PRTFDC1: variants seen among roughly 807,000 people sequenced by gnomAD.
PRTFDC1 encodes phosphoribosyltransferase domain-containing protein 1.
Under a neutral mutation model 34.6 loss-of-function variants are expected in PRTFDC1, and 38 were observed. The observed-to-expected ratio is 1.10, with a 90% confidence interval of 0.85 to 1.44. The LOEUF is 1.44. PRTFDC1 is among the 40% of genes most tolerant of loss of function. PRTFDC1 has a pLI of 0.00. For synonymous variants in PRTFDC1, 93 were observed against 98.1 expected (o/e 0.95, Z 0.31); for missense variants, 270 against 283.0 (o/e 0.95, Z 0.33).
rs1327519209 is a variant in PRTFDC1, at chr10:24,848,795, TC to T, written c.*1048del. 2 of 152,094 alleles carry T rather than the reference TC, an allele frequency of 1.3e-5. No individual in the cohort carries two copies. The highest frequency in any genetic ancestry group is 2.9e-5 in the Non-Finnish European group (2 of 68,024). 9.4% of individuals were successfully genotyped at this position (152,094 alleles called of 1,614,324 possible). On this transcript the variant is annotated 3_prime_UTR_variant, in exon 9 of 9. Coordinates refer to ENST00000320152, the MANE Select transcript of PRTFDC1 (RefSeq NM_020200.7). ...GACTCAAGTTTATTTTCAATTAAAATCCCCATAAATTAGGAAATGTCTTATA... is the reference window on the plus strand; with the variant it reads ...GACTCAAGTTTATTTTCAATTAAAATCCCATAAATTAGGAAATGTCTTATA...
chr10:24,888,384 T>C (rs1848205613), intron 3 of PRTFDC1, among the ~76,000 whole-genome samples: 1 of 152,120 alleles, frequency 6.6e-6, no homozygotes, highest in Non-Finnish European at 1.5e-5. Flanking sequence ...CCCGTTTGGG[T>C]TGTTGTGAGG....
At chr10:24,895,692 T>TATATAG (rs1275211122) in intron 3 of PRTFDC1, among the ~76,000 whole-genome samples, 1 of 107,668 alleles carries the variant, frequency 9.3e-6, no homozygotes, top group East Asian at 2.9e-4. Context: ...GGGGTGGATA[T>TATATAG]ATATATATAT....
chr10:24,928,403 T>C (rs1848913207), intron 3 of PRTFDC1, among the ~76,000 whole-genome samples: 2 of 152,122 alleles, frequency 1.3e-5, no homozygotes, highest in Admixed American at 1.3e-4. Context: ...GAGACTCTGC[T>C]AAACACAGAT....
intron 3 of PRTFDC1, among the ~76,000 whole-genome samples, chr10:24,928,972 G>A (rs1018202278): frequency 1.7e-4 from 26 of 149,530 alleles, no homozygotes; most frequent in Non-Finnish European, 2.8e-4. Context: ...CCCAGGAGGC[G>A]GAGCTTGCAG....
chr10:24,901,942 C>T (rs528368795), intron 3 of PRTFDC1, among the ~76,000 whole-genome samples: 4 of 152,280 alleles, frequency 2.6e-5, no homozygotes, highest in African/African-American at 9.6e-5. Flanking sequence ...AGGTATCCAC[C>T]CACAAGGGCC....
At chr10:24,882,326 T>C (rs1205280098) in intron 3 of PRTFDC1, among the ~76,000 whole-genome samples, 1 of 152,006 alleles carries the variant, frequency 6.6e-6, no homozygotes, top group African/African-American at 2.4e-5. Flanking sequence ...AGTATGCATA[T>C]CTGGATGTCA....
chr10:24,871,558 T>C (rs115140396), intron 4 of PRTFDC1, among the ~76,000 whole-genome samples: 1,588 of 151,822 alleles, frequency 0.01, 31 homozygotes, highest in African/African-American at 0.036. Flanking sequence ...CTCTTAAGAG[T>C]TCCTTTTCTC....
In PRTFDC1 at chr10:24,903,197, A is replaced by G. The variant is rs1848476011; in HGVS notation, c.340-31134T>C. On this transcript the variant is annotated intron_variant, in intron 3 of 8. Transcript: ENST00000320152. The stretch of plus-strand genomic sequence containing the variant: ...CTCCAGCCTGGGTGACAGGAGTGAA[A>G]CTGCATCTCAAGAAAAAAAGTAAGA... 2.0e-5 allele frequency among the ~76,000 whole-genome samples: 3 copies of G among 152,250 alleles called. No homozygotes were observed. In the South Asian group the frequency reaches 6.2e-4, roughly 32 times the overall value.
chr10:24,901,634 C>T (rs957915064), intron 3 of PRTFDC1, among the ~76,000 whole-genome samples: 2 of 152,140 alleles, frequency 1.3e-5, no homozygotes, highest in South Asian at 2.1e-4. Context: ...GAGGCTGAGG[C>T]GAAAGGATCG....
At chr10:24,906,231 CT>C (rs1848532794) in intron 3 of PRTFDC1, among the ~76,000 whole-genome samples, 1 of 152,186 alleles carries the variant, frequency 6.6e-6, no homozygotes, top group Non-Finnish European at 1.5e-5. Context: ...CCCATCTCCT[CT>C]TGGCTGTGTA....
chr10:24,933,584 G>C (rs1305639593), intron 3 of PRTFDC1, among the ~76,000 whole-genome samples: 1 of 151,710 alleles, frequency 6.6e-6, no homozygotes, highest in East Asian at 1.9e-4. Context: ...AAAAAAATAA[G>C]GAAAAACTGA....
At chr10:24,931,531 A>C (rs760245059) in intron 3 of PRTFDC1, among the ~76,000 whole-genome samples, 2 of 151,858 alleles carry the variant, frequency 1.3e-5, no homozygotes, top group Admixed American at 6.6e-5. Flanking sequence ...ATTTAATACT[A>C]TCAGGACTGA....
At chr10:24,930,968 C>A (rs1418991033) in intron 3 of PRTFDC1, among the ~76,000 whole-genome samples, 1 of 152,056 alleles carries the variant, frequency 6.6e-6, no homozygotes, top group Non-Finnish European at 1.5e-5. Flanking sequence ...ACATGGATTA[C>A]AATGGTGATA....
chr10:24,927,106 T>C (rs1359758561), intron 3 of PRTFDC1, among the ~76,000 whole-genome samples: 2 of 152,214 alleles, frequency 1.3e-5, no homozygotes, highest in East Asian at 1.9e-4. Context: ...CTTCATAGAA[T>C]TAACTATCTC....
At chr10:24,851,271 C>T (rs1026468567) in intron 8 of PRTFDC1, 117 bp downstream of exon 8, 33 of 1,416,108 alleles carry the variant, frequency 2.3e-5, no homozygotes, top group Non-Finnish European at 3.0e-5. Context: ...GCTCACCATA[C>T]TCCTGACATA....
rs1333471573 is a variant in PRTFDC1 at position 24,851,397 on chromosome 10, T to G, written c.621A>C (p.Arg207Ser). The G allele has an allele frequency of 6.2e-7, 1 of 1,610,348 alleles. No individual in the cohort carries two copies. Among genetic ancestry groups the G allele is most frequent in the Non-Finnish European group, 8.5e-7 (1 of 1,179,140 alleles). ...GYALDYNEYF[R>S]DLNHICVINE... The stretch of plus-strand genomic sequence containing the variant: ...TGCATGCAAGACTTACATTCAGATC[T>G]CTGAAGTATTCATTGTAATCTAAGG... The change falls in exon 8 of 9, where the codon AGA (arginine) becomes AGC (serine). Residue 207 changes from arginine (R) to serine (S), a missense_variant. Coordinates refer to ENST00000320152, the MANE Select transcript of PRTFDC1 (RefSeq NM_020200.7).
At chr10:24,928,456 T>C (rs1848914191) in intron 3 of PRTFDC1, among the ~76,000 whole-genome samples, 1 of 152,132 alleles carries the variant, frequency 6.6e-6, no homozygotes, top group African/African-American at 2.4e-5. Context: ...TTTCTTTTTT[T>C]CTCTTAAGAC....
At chr10:24,920,975 C>T (rs1848778701) in intron 3 of PRTFDC1, among the ~76,000 whole-genome samples, 1 of 152,044 alleles carries the variant, frequency 6.6e-6, no homozygotes. Context: ...TTTTGCAGAT[C>T]TAAATTGACC....
At chr10:24,914,565 C>A (rs1848668040) in intron 3 of PRTFDC1, among the ~76,000 whole-genome samples, 1 of 152,152 alleles carries the variant, frequency 6.6e-6, no homozygotes. Flanking sequence ...CTCAGCATCC[C>A]ATGGGTGTGA....
Sources: allele counts gnomAD v4.1 joint callset (sites outside exome capture counted in the v4.1 genomes callset), GRCh38; gene constraint gnomAD v4.1.1; transcripts MANE v1.5; gene names NCBI Gene and HGNC (gene_info 2026-07-23, HGNC 2026-07-21).